TMTC1: variants seen among roughly 807,000 people sequenced by gnomAD.
The protein encoded by TMTC1 is protein O-mannosyl-transferase TMTC1.
Under a neutral mutation model 104.8 loss-of-function variants are expected in TMTC1, and 73 were observed. The observed-to-expected ratio is 0.70, with a 90% CI of 0.58 to 0.85. The LOEUF (loss-of-function observed/expected upper bound fraction) is 0.85, where lower values mean the gene tolerates loss of function less well. TMTC1 is among the 40% of genes least tolerant of loss of function. The pLI is 0.00. For missense variants in TMTC1, 1,035 were observed against 1,096.1 expected (o/e 0.94, Z 0.79); for synonymous variants, 434 against 428.7 (o/e 1.01, Z -0.15).
At chr12:29,761,925 C>T (rs73281227) in intron 2 of TMTC1, among the ~76,000 whole-genome samples, 2,986 of 152,184 alleles carry the variant, frequency 0.02, 104 homozygotes, top group African/African-American at 0.066. Flanking sequence ...TCATGTCACA[C>T]CTGTCATCCC....
At chr12:29,635,773 C>T (rs1412015089) in intron 5 of TMTC1, among the ~76,000 whole-genome samples, 1 of 152,196 alleles carries the variant, frequency 6.6e-6, no homozygotes, top group Non-Finnish European at 1.5e-5. Context: ...CATCACACCA[C>T]AGGGATGCAG....
chr12:29,652,523 A>G (rs932569736), intron 5 of TMTC1, among the ~76,000 whole-genome samples: 1 of 152,250 alleles, frequency 6.6e-6, no homozygotes, highest in African/African-American at 2.4e-5. Context: ...AGTGGCCTTC[A>G]GAAACAAAAA....
intron 10 of TMTC1, among the ~76,000 whole-genome samples, chr12:29,543,615 T>C (rs1944862285): frequency 6.6e-6 from 1 of 152,166 alleles, no homozygotes; most frequent in Non-Finnish European, 1.5e-5. Context: ...ATGAAAAAGA[T>C]CATGGTTTTT....
At chr12:29,643,687 TATATTA>T (rs1939035468) in intron 5 of TMTC1, among the ~76,000 whole-genome samples, 2 of 17,438 alleles carry the variant, frequency 1.1e-4, no homozygotes, top group Non-Finnish European at 2.0e-4. Flanking sequence ...ATATATTATA[TATATTA>T]TATATATTAT....
At chr12:29,669,960 A>G (rs900189605) in intron 5 of TMTC1, among the ~76,000 whole-genome samples, 2 of 152,148 alleles carry the variant, frequency 1.3e-5, no homozygotes, top group African/African-American at 4.8e-5. Flanking sequence ...CTGATGGCCA[A>G]TTCAATGCCT....
chr12:29,757,608 C>A (rs1309757414), intron 3 of TMTC1, among the ~76,000 whole-genome samples: 1 of 152,150 alleles, frequency 6.6e-6, no homozygotes, highest in Non-Finnish European at 1.5e-5. Context: ...CTCCATGAAA[C>A]TGGGCAACAT....
At chr12:29,777,414 T>C (rs1188129279) in intron 1 of TMTC1, among the ~76,000 whole-genome samples, 1 of 152,132 alleles carries the variant, frequency 6.6e-6, no homozygotes, top group African/African-American at 2.4e-5. Flanking sequence ...TCTCTTTAAG[T>C]GAGATGATGA....
chr12:29,593,932 G>T (rs1163070960), intron 7 of TMTC1, among the ~76,000 whole-genome samples: 1 of 152,202 alleles, frequency 6.6e-6, no homozygotes, highest in Non-Finnish European at 1.5e-5. Flanking sequence ...GGTTGAAGGT[G>T]TGAGAAACTG....
intron 6 of TMTC1, among the ~76,000 whole-genome samples, chr12:29,631,073 G>A (rs1461355754): frequency 6.6e-6 from 1 of 152,058 alleles, no homozygotes; most frequent in Non-Finnish European, 1.5e-5. Flanking sequence ...TCTGTGCAGG[G>A]TCTACTTGGA....
chr12:29,590,780 G>A lies in TMTC1; in HGVS notation c.1251-7206C>T, dbSNP rs1020335810. Among the ~76,000 whole-genome samples the A allele has an allele frequency of 8.5e-5, 13 of 152,202 alleles. 1 individual carries two copies. The highest frequency in any genetic ancestry group is 6.8e-3 in the Middle Eastern group (2 of 294). ...AGCCTGGGTGACAGGGTGAAACTCC[G>A]TCTCAAACAAAACAAAACAAAAAAA... On this transcript the variant is annotated intron_variant, in intron 7 of 17. Transcript: ENST00000539277.
chr12:29,565,176 G>A (rs1056503903), intron 9 of TMTC1, among the ~76,000 whole-genome samples: 3 of 152,150 alleles, frequency 2.0e-5, no homozygotes, highest in Non-Finnish European at 2.9e-5. Context: ...CCAGAAGGCA[G>A]TCTGTGGGTA....
rs140601729 is a variant in TMTC1 at position 29,653,297 on chromosome 12, G to A, written c.939-19961C>T. The stretch of plus-strand genomic sequence containing the variant: ...ATTTCAGGAACACAGGCCAGAAACC[G>A]TGAGGGCCTTCAGGAAGATGGTGGC... On this transcript the variant is annotated intron_variant, in intron 5 of 17. Transcript: ENST00000539277. Among the ~76,000 whole-genome samples the A allele has an allele frequency of 7.1e-4, 108 of 152,148 alleles. 2 individuals are homozygous for A. Among genetic ancestry groups the A allele is most frequent in the East Asian group, 4.6e-3 (24 of 5,166 alleles).
At position 29,522,018 on chromosome 12, in the gene TMTC1, T is replaced by C. The variant is rs185421665; in HGVS notation, c.1786-1298A>G. ...AAATGTCATCTTTTCCTAGTACAGCTGCGATGGTCATGTAAAATAAGATGA... is the reference window on the plus strand; with the variant it reads ...AAATGTCATCTTTTCCTAGTACAGCCGCGATGGTCATGTAAAATAAGATGA... On this transcript the variant is annotated intron_variant, in intron 11 of 17. Coordinates refer to ENST00000539277, the MANE Select transcript of TMTC1 (RefSeq NM_001193451.2). 2.5e-3 allele frequency among the ~76,000 whole-genome samples: 377 copies of C among 152,340 alleles called. 1 individual carries two copies. Among genetic ancestry groups the C allele is most frequent in the African/African-American group, 8.7e-3 (363 of 41,584 alleles).
intron 11 of TMTC1, among the ~76,000 whole-genome samples, chr12:29,523,370 C>T (rs1001158210): frequency 3.9e-5 from 6 of 152,164 alleles, no homozygotes; most frequent in East Asian, 3.9e-4. Context: ...ACAGAAATGG[C>T]TGAATTGGTT....
At chr12:29,579,642 G>C (rs551419151) in intron 8 of TMTC1, among the ~76,000 whole-genome samples, 1 of 152,298 alleles carries the variant, frequency 6.6e-6, no homozygotes, top group Admixed American at 6.5e-5. Flanking sequence ...TTAGGAGAGG[G>C]AAGAGGGTTT....
chr12:29,569,052 A>C (rs1945595580), intron 9 of TMTC1: 1 of 450,174 alleles, frequency 2.2e-6, no homozygotes, highest in Non-Finnish European at 4.5e-6. Flanking sequence ...ATGTTTGTTG[A>C]GGATTTAAGA....
intron 7 of TMTC1, among the ~76,000 whole-genome samples, chr12:29,599,420 C>G (rs1368143174): frequency 6.6e-6 from 1 of 152,224 alleles, no homozygotes. Context: ...TAGCCTATTT[C>G]TGTCCCTTTT....
At chr12:29,662,936 C>T (rs1463899030) in intron 5 of TMTC1, among the ~76,000 whole-genome samples, 1 of 152,176 alleles carries the variant, frequency 6.6e-6, no homozygotes, top group Non-Finnish European at 1.5e-5. Context: ...TCAAGCACTG[C>T]ATTTAAATCC....
At chr12:29,590,515 G>A (rs754112927) in intron 7 of TMTC1, among the ~76,000 whole-genome samples, 1 of 152,190 alleles carries the variant, frequency 6.6e-6, no homozygotes, top group Non-Finnish European at 1.5e-5. Context: ...GGCCAGGCAT[G>A]GTGGCTCATG....
Sources: gnomAD v4.1 joint callset for allele counts (sites outside exome capture counted in the v4.1 genomes callset) on GRCh38, gnomAD v4.1.1 for gene constraint, MANE v1.5 for transcripts, NCBI Gene and HGNC (gene_info 2026-07-23, HGNC 2026-07-21) for gene names.